HIVEP1: variants seen among roughly 807,000 people sequenced by gnomAD.
HIVEP1 encodes HIVEP zinc finger 1.
HIVEP1 carries 36 observed loss-of-function variants against 180.0 expected under a neutral mutation model. That is an observed-to-expected ratio of 0.20 (90% confidence interval 0.15 to 0.26). The LOEUF (loss-of-function observed/expected upper bound fraction) is 0.26. Among genes scored for constraint, HIVEP1 ranks in the 10% least tolerant of loss-of-function variants. The pLI is 1.00. For synonymous variants in HIVEP1, 1,239 were observed against 1,239.0 expected (o/e 1.00, Z 0.00); for missense variants, 3,143 against 3,268.7 (o/e 0.96, Z 0.94).
At chr6:12,130,707 C>A in intron 5 of HIVEP1, 60 bp from the exon 6 acceptor site, 1 of 906,776 alleles carries the variant, frequency 1.1e-6, no homozygotes, top group Non-Finnish European at 1.6e-6. Context: ...TTTTAATCAT[C>A]AATATTTTCT....
intron 2 of HIVEP1, among the ~76,000 whole-genome samples, chr6:12,035,532 A>T (rs1033591918): frequency 6.6e-6 from 1 of 152,248 alleles, no homozygotes; most frequent in Admixed American, 6.5e-5. Flanking sequence ...TTGTACTCTG[A>T]ACCTGTGTGT....
chr6:12,156,821 G>C (rs937546961), intron 7 of HIVEP1, among the ~76,000 whole-genome samples: 1 of 152,176 alleles, frequency 6.6e-6, no homozygotes. Flanking sequence ...ATGTTCTGCT[G>C]TTGAGTGGAA....
the HIVEP1 span, among the ~76,000 whole-genome samples, chr6:12,206,300 AT>A: frequency 2.6e-5 from 4 of 151,788 alleles, no homozygotes; most frequent in Non-Finnish European, 4.4e-5. Flanking sequence ...CACCTGGCTA[AT>A]TTTTTTGTAT....
At chr6:12,015,505 C>T in intron 1 of HIVEP1, 21 bp from the exon 2 acceptor site, 1 of 766,332 alleles carries the variant, frequency 1.3e-6, no homozygotes, top group Non-Finnish European at 2.2e-6. Flanking sequence ...AAATGTGCTT[C>T]TCCGTTTTTT....
At position 12,051,256 on chromosome 6, in the gene HIVEP1, AT is replaced by A. The variant is rs1305056738; in HGVS notation, c.40+35591del. On this transcript the variant is annotated intron_variant, in intron 2 of 8. Transcript: ENST00000379388. ...CCCACTACGGATATAGGATTAATGT[AT>A]TTCACTGTCAGTCATTCTTCTCTGT... 2.6e-5 allele frequency among the ~76,000 whole-genome samples: 4 copies of A among 151,732 alleles called. No individual in the cohort carries two copies. In the East Asian group the frequency reaches 7.7e-4, roughly 29 times the overall value.
chr6:12,037,200 G>A (rs1397051502), intron 2 of HIVEP1, among the ~76,000 whole-genome samples: 1 of 152,204 alleles, frequency 6.6e-6, no homozygotes, highest in Admixed American at 6.5e-5. Context: ...TTGGTTGGAA[G>A]AGGAGTGCCT....
intron 2 of HIVEP1, among the ~76,000 whole-genome samples, chr6:12,049,780 C>T (rs1770379431): frequency 6.6e-6 from 1 of 152,050 alleles, no homozygotes; most frequent in Admixed American, 6.5e-5. Flanking sequence ...TATTAAACTT[C>T]CTTTTTCTCG....
chr6:12,131,691 G>A (rs1360314596), intron 6 of HIVEP1, among the ~76,000 whole-genome samples: 1 of 137,150 alleles, frequency 7.3e-6, no homozygotes, highest in Non-Finnish European at 1.5e-5. Flanking sequence ...TATTACTTGA[G>A]ATTTTAATTT....
At position 12,013,641 on chromosome 6, in the gene HIVEP1, G is replaced by A. The variant is rs545322167; in HGVS notation, c.-104+1075G>A. ...TATCGTTACCATTTAAAAGCTTTAA[G>A]TTTAACAACGAACGTAGTTAAGCAT... On this transcript the variant is annotated intron_variant, in intron 1 of 8. Transcript: ENST00000379388. 4.6e-5 allele frequency among the ~76,000 whole-genome samples: 7 copies of A among 152,252 alleles called. No homozygotes were observed. The East Asian group carries it at 1.2e-3, about 26-fold the overall frequency.
intron 2 of HIVEP1, among the ~76,000 whole-genome samples, chr6:12,016,195 AATAT>A (rs1183717464): frequency 4.6e-5 from 7 of 152,312 alleles, no homozygotes; most frequent in African/African-American, 1.4e-4. Context: ...GTGGGTCACA[AATAT>A]ATATATGATA....
upstream of HIVEP1, chr6:12,008,043 A>G (rs1767100183): frequency 6.6e-6 from 1 of 152,158 alleles, no homozygotes; most frequent in Admixed American, 6.5e-5. Context: ...TCTGTTAAAA[A>G]AAAAAAAATT....
At chr6:12,147,728 T>A (rs1212375777) in intron 7 of HIVEP1, among the ~76,000 whole-genome samples, 1 of 152,226 alleles carries the variant, frequency 6.6e-6, no homozygotes, top group Non-Finnish European at 1.5e-5. Context: ...TCTCTCATTC[T>A]CCACCAGATG....
At position 12,028,712 on chromosome 6, in the gene HIVEP1, G is replaced by T. The variant is rs541870263; in HGVS notation, c.40+13044G>T. Among the ~76,000 whole-genome samples the T allele has an allele frequency of 3.3e-5, 5 of 152,254 alleles. No homozygotes were observed. In the South Asian group the frequency reaches 1.0e-3, roughly 32 times the overall value. ...TGTATTTGTTTTACAGCTTTATTAA[G>T]ACATAATTTACATGCAATAAAATTC... On this transcript the variant is annotated intron_variant, in intron 2 of 8. Transcript: ENST00000379388.
intron 2 of HIVEP1, among the ~76,000 whole-genome samples, chr6:12,055,531 A>G (rs775254898): frequency 2.6e-5 from 4 of 152,228 alleles, no homozygotes; most frequent in Admixed American, 6.5e-5. Context: ...AAAATAGAAA[A>G]CCACAATGCC....
At chr6:12,074,977 A>G (rs532013290) in intron 2 of HIVEP1, among the ~76,000 whole-genome samples, 15 of 152,348 alleles carry the variant, frequency 9.8e-5, no homozygotes, top group African/African-American at 3.4e-4. Context: ...TGTATTAGAT[A>G]TCGTTTAAAT....
chr6:12,168,353 G>GTATA (rs1449453403), downstream of HIVEP1, among the ~76,000 whole-genome samples: 4 of 68,152 alleles, frequency 5.9e-5, no homozygotes, highest in African/African-American at 2.2e-4. Context: ...ACATGTATAT[G>GTATA]TATATATTAT....
At chr6:12,015,409 C>T (rs547129566) in intron 1 of HIVEP1, 117 bp from the exon 2 acceptor site, 6 of 437,216 alleles carry the variant, frequency 1.4e-5, no homozygotes, top group Non-Finnish European at 2.4e-5. Context: ...TGCAGTGGTG[C>T]CCAGCTTGGT....
At chr6:12,109,146 ATTTTTTAAAT>A (rs1456815255) in intron 3 of HIVEP1, among the ~76,000 whole-genome samples, 1 of 122,198 alleles carries the variant, frequency 8.2e-6, no homozygotes, top group African/African-American at 2.9e-5. Context: ...CGCCCGGCTA[ATTTTTTAAAT>A]TTTTTTAAAT....
intron 2 of HIVEP1, among the ~76,000 whole-genome samples, chr6:12,050,472 G>C (rs1770428890): frequency 6.6e-6 from 1 of 151,780 alleles, no homozygotes; most frequent in East Asian, 1.9e-4. Context: ...TGTAGTCCCA[G>C]TTACTCGGGA....
Sources: allele counts gnomAD v4.1 joint callset (sites outside exome capture counted in the v4.1 genomes callset), GRCh38; gene constraint gnomAD v4.1.1; transcripts MANE v1.5; gene names NCBI Gene and HGNC (gene_info 2026-07-23, HGNC 2026-07-21).